EXOC6B: variants seen among roughly 807,000 people sequenced by gnomAD.
EXOC6B encodes exocyst complex component 6B, also known as SEC15 homolog B.
A neutral mutation model predicts 113.5 loss-of-function variants in EXOC6B; 54 were observed. The ratio of observed to expected loss-of-function variants is 0.48; its 90% CI spans 0.38 to 0.60. The LOEUF (loss-of-function observed/expected upper bound fraction) is 0.60. Among genes scored for constraint, EXOC6B ranks in the 20% least tolerant of loss-of-function variants. The pLI, the probability that EXOC6B is intolerant of heterozygous loss-of-function variation, is 0.00. For missense variants in EXOC6B, 797 were observed against 977.5 expected, an observed-to-expected ratio of 0.82 and a Z score of 2.46; for synonymous variants, 357 against 339.0, an observed-to-expected ratio of 1.05 and a Z score of -0.58.
At chr2:72,324,400 G>C (rs1240906932) in intron 20 of EXOC6B, among the ~76,000 whole-genome samples, 1 of 152,126 alleles carries the variant, frequency 6.6e-6, no homozygotes, top group Non-Finnish European at 1.5e-5. Flanking sequence ...GTCATGTAAT[G>C]AATCAGCAAG....
chr2:72,285,311 C>T (rs549004725), intron 20 of EXOC6B, among the ~76,000 whole-genome samples: 1 of 152,008 alleles, frequency 6.6e-6, no homozygotes, highest in African/African-American at 2.4e-5. Flanking sequence ...CAGAAACAGA[C>T]CCACATAAAT....
intron 1 of EXOC6B, among the ~76,000 whole-genome samples, chr2:72,822,396 C>G (rs1182340694): frequency 2.0e-5 from 3 of 152,048 alleles, no homozygotes; most frequent in African/African-American, 7.2e-5. Context: ...TATGCTTGGG[C>G]CTTTCAGAAT....
intron 18 of EXOC6B, among the ~76,000 whole-genome samples, chr2:72,404,798 C>G (rs193213232): frequency 6.6e-6 from 1 of 152,122 alleles, no homozygotes; most frequent in African/African-American, 2.4e-5. Flanking sequence ...AAAATCAGAG[C>G]GCCTTTCCTC....
intron 20 of EXOC6B, among the ~76,000 whole-genome samples, chr2:72,233,494 GGAACTT>G (rs1337035380): frequency 6.6e-6 from 1 of 152,196 alleles, no homozygotes; most frequent in African/African-American, 2.4e-5. Context: ...ACTCTCCACA[GGAACTT>G]GAGCAAGAAT....
At chr2:72,457,008 G>C (rs544191608) in intron 18 of EXOC6B, among the ~76,000 whole-genome samples, 1 of 150,782 alleles carries the variant, frequency 6.6e-6, no homozygotes, top group Non-Finnish European at 1.5e-5. Flanking sequence ...AAAGGCATGG[G>C]GGGGAAAAAA....
chr2:72,369,671 C>T (rs371936468), intron 19 of EXOC6B, among the ~76,000 whole-genome samples: 18 of 152,126 alleles, frequency 1.2e-4, no homozygotes, highest in Admixed American at 5.2e-4. Flanking sequence ...GAGATATAGA[C>T]CAATGGAACA....
rs188671043 is a variant in EXOC6B at position 72,707,438 on chromosome 2, G to C, written c.669+10665C>G. On this transcript the variant is annotated intron_variant, in intron 6 of 21. Transcript: ENST00000272427. ...TCTTTTCTTTTTTTTTTTTGAGACAGAGTCTTGCTCTGTCACCCAGGCTAG... is the reference window on the plus strand; with the variant it reads ...TCTTTTCTTTTTTTTTTTTGAGACACAGTCTTGCTCTGTCACCCAGGCTAG... 2.1e-3 allele frequency among the ~76,000 whole-genome samples: 305 copies of C among 148,440 alleles called. 1 individual carries two copies. In the Middle Eastern group the frequency reaches 0.025, roughly 12 times the overall value.
chr2:72,804,358 C>T (rs1017342233), intron 1 of EXOC6B, among the ~76,000 whole-genome samples: 1 of 152,132 alleles, frequency 6.6e-6, no homozygotes, highest in Non-Finnish European at 1.5e-5. Context: ...TAATGCAGCT[C>T]TTCCTAGAGC....
intron 2 of EXOC6B, among the ~76,000 whole-genome samples, chr2:72,738,416 C>T (rs187249813): frequency 1.3e-5 from 2 of 152,266 alleles, no homozygotes; most frequent in East Asian, 3.9e-4. Flanking sequence ...CCCTTCTTCA[C>T]CATCTCCTTA....
chr2:72,409,730 G>T (rs1051582173), intron 18 of EXOC6B, among the ~76,000 whole-genome samples: 1 of 150,550 alleles, frequency 6.6e-6, no homozygotes, highest in Non-Finnish European at 1.5e-5. Flanking sequence ...GGTAGGGGGA[G>T]GGGGGAGGGA....
At chr2:72,518,477 A>T (rs1701322954) in intron 8 of EXOC6B, among the ~76,000 whole-genome samples, 1 of 128,604 alleles carries the variant, frequency 7.8e-6, no homozygotes, top group Admixed American at 8.5e-5. Context: ...CTATGGATTA[A>T]AGTAGGGTGT....
intron 1 of EXOC6B, among the ~76,000 whole-genome samples, chr2:72,783,318 CTTTTTTT>C (rs70963146): frequency 1.7e-5 from 1 of 60,412 alleles, no homozygotes; most frequent in Non-Finnish European, 2.8e-5. Context: ...TTTTTCTTTT[CTTTTTTT>C]TTTTTTTTTT....
intron 6 of EXOC6B, among the ~76,000 whole-genome samples, chr2:72,588,914 T>C (rs1705751252): frequency 6.6e-6 from 1 of 152,144 alleles, no homozygotes; most frequent in African/African-American, 2.4e-5. Flanking sequence ...TTTTAAATAT[T>C]ACCTTTTTCC....
chr2:72,221,400 T>C (rs1178814428), intron 20 of EXOC6B, among the ~76,000 whole-genome samples: 13 of 152,168 alleles, frequency 8.5e-5, no homozygotes, highest in African/African-American at 3.1e-4. Flanking sequence ...TCCGCCTATT[T>C]CATCTCCCTC....
intron 20 of EXOC6B, among the ~76,000 whole-genome samples, chr2:72,197,668 G>A (rs370881923): frequency 3.2e-4 from 48 of 152,220 alleles, no homozygotes; most frequent in African/African-American, 1.1e-3. Flanking sequence ...CAGAGGAATG[G>A]CCACTGTCTC....
chr2:72,666,655 A>G lies in EXOC6B; in HGVS notation c.669+51448T>C, dbSNP rs1675412371. Among the ~76,000 whole-genome samples the G allele has an allele frequency of 2.0e-5, 3 of 152,190 alleles. No individual in the cohort carries two copies. In the South Asian group the frequency reaches 6.2e-4, roughly 31 times the overall value. On this transcript the variant is annotated intron_variant, in intron 6 of 21. Transcript: ENST00000272427. ...AAAGACTCCACCAAAAGGCTCCTGG[A>G]AGTGATAAAGGACTTCAGTAAAGTT...
chr2:72,627,581 C>A (rs1434447250), intron 6 of EXOC6B, among the ~76,000 whole-genome samples: 1 of 152,088 alleles, frequency 6.6e-6, no homozygotes, highest in Non-Finnish European at 1.5e-5. Flanking sequence ...AATAAAAGTT[C>A]TTACATGAGT....
intron 16 of EXOC6B, among the ~76,000 whole-genome samples, chr2:72,487,985 T>C (rs1474035784): frequency 2.0e-5 from 3 of 152,154 alleles, no homozygotes; most frequent in African/African-American, 4.8e-5. Context: ...GGCAATAGTA[T>C]CTATATTAGT....
Position 72,653,970 on chromosome 2 carries a change from A to ATTTT in EXOC6B, c.669+64129_669+64132dup, listed in dbSNP as rs58589218. ...TGGTACAATGTCATGAATTTTATTTATTTTTTTTTTTTTTTTTGAGACGGA... is the reference window on the plus strand; with the variant it reads ...TGGTACAATGTCATGAATTTTATTTATTTTTTTTTTTTTTTTTTTTTGAGACGGA... On this transcript the variant is annotated intron_variant, in intron 6 of 21. Coordinates refer to ENST00000272427, the MANE Select transcript of EXOC6B (RefSeq NM_015189.3). Among the ~76,000 whole-genome samples, 64 of 136,464 alleles carry ATTTT rather than the reference A, an allele frequency of 4.7e-4. 1 individual carries two copies. The highest frequency in any genetic ancestry group is 1.4e-3 in the African/African-American group (53 of 36,924). 89.5% of individuals were successfully genotyped at this position (136,464 alleles called of 152,430 possible). A position where few individuals can be genotyped will look rare whatever the true frequency, so the allele number is the denominator to read the frequency against.
Sources: gnomAD v4.1 joint callset for allele counts (sites outside exome capture counted in the v4.1 genomes callset) on GRCh38, gnomAD v4.1.1 for gene constraint, MANE v1.5 for transcripts, NCBI Gene and HGNC (gene_info 2026-07-23, HGNC 2026-07-21) for gene names.